Variants in CRYBG1 observed in about 807,000 individuals in gnomAD.
The protein encoded by CRYBG1 is crystallin beta-gamma domain containing 1, also known as beta/gamma crystallin domain-containing protein 1.
A neutral mutation model predicts 189.2 loss-of-function variants in CRYBG1; 139 were observed. The ratio of observed to expected loss-of-function variants is 0.73; its 90% CI spans 0.64 to 0.85. CRYBG1 has a LOEUF of 0.85. CRYBG1 is among the 40% of genes least tolerant of loss of function. The probability of loss-of-function intolerance (pLI) is 0.00; values close to 1 mark genes in which losing one functional copy is unlikely to be tolerated. For missense variants in CRYBG1, 2,611 were observed against 2,675.8 expected (o/e 0.98, Z 0.53); for synonymous variants, 1,023 against 1,017.1 (o/e 1.01, Z -0.11).
chr6:106,483,408 T>TG (rs1241386087), intron 2 of CRYBG1, among the ~76,000 whole-genome samples: 1 of 121,524 alleles, frequency 8.2e-6, no homozygotes, highest in Admixed American at 9.2e-5. Context: ...ATATAAAACA[T>TG]TTTCTTTATC....
At chr6:106,535,606 C>T (rs72941326) in intron 8 of CRYBG1, among the ~76,000 whole-genome samples, 5,887 of 152,252 alleles carry the variant, frequency 0.039, 165 homozygotes, top group Non-Finnish European at 0.06. Context: ...ACCAAATTTT[C>T]CCAATTGCTT....
chr6:106,462,156 TTTTTGTTTTTTTGTTTTG>T (rs1377121099), intron 2 of CRYBG1, among the ~76,000 whole-genome samples: 5 of 152,004 alleles, frequency 3.3e-5, no homozygotes, highest in African/African-American at 9.7e-5. Context: ...GTTTGTTTGT[TTTTTGTTTTTTTGTTTTG>T]TTTTGTTTTG....
intron 8 of CRYBG1, among the ~76,000 whole-genome samples, chr6:106,533,181 C>T (rs573847436): frequency 6.6e-6 from 1 of 152,118 alleles, no homozygotes; most frequent in Non-Finnish European, 1.5e-5. Context: ...AAGGAGGGAC[C>T]GGCAGGAAGT....
At chr6:106,377,317 C>G (rs552370324) in intron 1 of CRYBG1, among the ~76,000 whole-genome samples, 1 of 152,202 alleles carries the variant, frequency 6.6e-6, no homozygotes, top group East Asian at 1.9e-4. Context: ...TTGGCATGCT[C>G]CCTTATATGA....
chr6:106,504,579 C>T (rs1562092400), intron 2 of CRYBG1, among the ~76,000 whole-genome samples: 1 of 151,998 alleles, frequency 6.6e-6, no homozygotes. Flanking sequence ...AAATGAAAAG[C>T]TTCTGTGCTT....
rs1220426111 is a variant in CRYBG1 at position 106,570,781 on chromosome 6, G to A, written c.*2215G>A. On this transcript the variant is annotated 3_prime_UTR_variant, in exon 22 of 22. Transcript: ENST00000633556. Reference sequence around the variant, plus strand: ...ATTTTTTTTTCTTTTGCAATAACTCGGTAGTAAGACCAGACCAACAATTTT... The same window carrying A: ...ATTTTTTTTTCTTTTGCAATAACTCAGTAGTAAGACCAGACCAACAATTTT... The A allele has an allele frequency of 6.6e-6, 1 of 151,880 alleles. No homozygotes were observed. 9.4% of individuals were successfully genotyped at this position (151,880 alleles called of 1,614,324 possible). A position where few individuals can be genotyped will look rare whatever the true frequency, so the allele number is the denominator to read the frequency against.
Position 106,532,642 on chromosome 6 carries a change from A to C in CRYBG1, c.4718+2327A>C, listed in dbSNP as rs571319013. ...GTATCTCATTGTGGTTTTGATTTGC[A>C]TTTCCCTGATCTTGAGTGATGTTGA... is the stretch of plus-strand genomic sequence containing the variant. On this transcript the variant is annotated intron_variant, in intron 8 of 21. Transcript: ENST00000633556. Among the ~76,000 whole-genome samples the C allele has an allele frequency of 2.0e-5, 3 of 152,170 alleles. No homozygotes were observed. In the East Asian group the frequency reaches 5.8e-4, roughly 29 times the overall value.
At chr6:106,488,445 C>A (rs903327094) in intron 2 of CRYBG1, among the ~76,000 whole-genome samples, 1 of 152,186 alleles carries the variant, frequency 6.6e-6, no homozygotes, top group Non-Finnish European at 1.5e-5. Context: ...GGGTAAATGT[C>A]CAACAGTTGT....
At chr6:106,528,543 A>ATGT in intron 7 of CRYBG1, among the ~76,000 whole-genome samples, 2 of 152,186 alleles carry the variant, frequency 1.3e-5, no homozygotes, top group East Asian at 3.9e-4. Flanking sequence ...TTCTCACCTA[A>ATGT]CACTGTGGTT....
intron 1 of CRYBG1, among the ~76,000 whole-genome samples, chr6:106,395,288 G>C (rs544526113): frequency 1.1e-4 from 17 of 151,128 alleles, no homozygotes; most frequent in Non-Finnish European, 1.0e-4. Flanking sequence ...TTTATACTTA[G>C]GTTTCTCTAT....
chr6:106,541,685 T>C, intron 10 of CRYBG1, 64 bp downstream of exon 10: 1 of 1,120,314 alleles, frequency 8.9e-7, no homozygotes, highest in South Asian at 1.4e-5. Flanking sequence ...TACACATATA[T>C]ATGTACTTAA....
In CRYBG1 at chr6:106,518,937, C is replaced by T. The variant is rs951661332; in HGVS notation, c.1923-194C>T. On this transcript the variant is annotated intron_variant, in intron 3 of 21. Transcript: ENST00000633556. ...TCACACTGCTGTACTCCAGTCTTGGCGACAGAGCAAGACCTTGTCTTAAAA... is the reference window on the plus strand; with the variant it reads ...TCACACTGCTGTACTCCAGTCTTGGTGACAGAGCAAGACCTTGTCTTAAAA... Among the ~76,000 whole-genome samples the T allele has an allele frequency of 6.0e-5, 9 of 150,092 alleles. No homozygotes were observed. The East Asian group carries it at 9.9e-4, about 17-fold the overall frequency.
intron 1 of CRYBG1, among the ~76,000 whole-genome samples, chr6:106,399,241 T>C (rs1770671716): frequency 6.6e-6 from 1 of 152,230 alleles, no homozygotes; most frequent in Non-Finnish European, 1.5e-5. Context: ...CAGAAAATCC[T>C]GACATAAGCC....
intron 1 of CRYBG1, among the ~76,000 whole-genome samples, chr6:106,365,201 G>T (rs1028182343): frequency 1.3e-5 from 2 of 152,052 alleles, no homozygotes; most frequent in Non-Finnish European, 2.9e-5. Context: ...GGTGGAGGCG[G>T]GTGGATCACC....
chr6:106,558,427 CA>C (rs1774612082), intron 17 of CRYBG1, 58 bp from the exon 18 acceptor site: 2 of 1,387,670 alleles, frequency 1.4e-6, no homozygotes, highest in Admixed American at 2.4e-5. Context: ...ATGATTTTCA[CA>C]TAAGTTTGAA....
Position 106,543,465 on chromosome 6 carries a change from T to C in CRYBG1, c.4907T>C (p.Phe1636Ser), listed in dbSNP as rs1422683620. The C allele has an allele frequency of 6.2e-6, 10 of 1,613,714 alleles. No individual in the cohort carries two copies. Among genetic ancestry groups the C allele is most frequent in the Non-Finnish European group, 8.5e-6 (10 of 1,179,792 alleles). Residue 1636 changes from phenylalanine (F) to serine (S), a missense_variant, in exon 11 of 22, where the codon TTT (phenylalanine) becomes TCT (serine). Around this residue, in one of 3 missense-constraint regions of CRYBG1, gnomAD observed 1,622 missense variants for 1,735.0 expected, o/e 0.93. Coordinates refer to ENST00000633556, the MANE Select transcript of CRYBG1 (RefSeq NM_001371242.2). ...PKVVVYEKPF[F>S]EGKCVELETG... ...GTAGTTGTTTATGAAAAGCCTTTCTTTGAAGGAAAATGTGTGGAACTAGAA... is the reference window on the plus strand; with the variant it reads ...GTAGTTGTTTATGAAAAGCCTTTCTCTGAAGGAAAATGTGTGGAACTAGAA...
rs1773265270 is a variant in CRYBG1, at chr6:106,511,798, C to T, written c.681C>T (p.Cys227=). ...CAGCGGCTGTGGCTGTGCAGCAGTG[C>T]CATGAAAATGATTCACCCCAATTAG... ...SSAAAVAVQQ[C]HENDSPQLEP... The change falls in exon 3 of 22, where the codon TGC becomes TGT. Residue 227 remains cysteine (C), a synonymous_variant. Transcript: ENST00000633556. The T allele has an allele frequency of 2.0e-6, 3 of 1,528,510 alleles. No homozygotes were observed. Among genetic ancestry groups the T allele is most frequent in the Non-Finnish European group, 2.6e-6 (3 of 1,142,284 alleles). 94.7% of individuals were successfully genotyped at this position (1,528,510 alleles called of 1,614,324 possible).
At chr6:106,394,736 A>G (rs1050890515) in intron 1 of CRYBG1, among the ~76,000 whole-genome samples, 2 of 152,216 alleles carry the variant, frequency 1.3e-5, no homozygotes, top group Admixed American at 1.3e-4. Flanking sequence ...AAGTTAGAAC[A>G]CAAACATTGA....
intron 1 of CRYBG1, among the ~76,000 whole-genome samples, chr6:106,415,041 A>G (rs549730438): frequency 1.3e-5 from 2 of 152,316 alleles, no homozygotes; most frequent in African/African-American, 4.8e-5. Context: ...TTAATCTGAC[A>G]AAGTGAGAGA....
Sources: allele counts gnomAD v4.1 joint callset (sites outside exome capture counted in the v4.1 genomes callset), GRCh38; gene constraint gnomAD v4.1.1; regional missense constraint gnomAD v4.1.1; transcripts MANE v1.5; gene names NCBI Gene and HGNC (gene_info 2026-07-23, HGNC 2026-07-21).